STAG1: variants seen among roughly 807,000 people sequenced by gnomAD.
The protein encoded by STAG1 is cohesin subunit SA-1.
A neutral mutation model predicts 170.9 loss-of-function variants in STAG1; 26 were observed. The observed-to-expected ratio is 0.15, with a 90% CI of 0.11 to 0.21. The LOEUF (loss-of-function observed/expected upper bound fraction) is 0.21, where lower values mean the gene tolerates loss of function less well. Among genes scored for constraint, STAG1 ranks in the 10% least tolerant of loss-of-function variants. The probability of loss-of-function intolerance (pLI) is 1.00; values close to 1 mark genes in which losing one functional copy is unlikely to be tolerated. For synonymous variants in STAG1, 514 were observed against 497.7 expected (o/e 1.03, Z -0.44); for missense variants, 964 against 1,509.5 (o/e 0.64, Z 5.99).
intron 13 of STAG1, among the ~76,000 whole-genome samples, chr3:136,463,770 T>TGTGTGTGTGTGTGTGTGTATACACAC (rs2089350933): frequency 7.9e-6 from 1 of 126,396 alleles, no homozygotes; most frequent in South Asian, 2.6e-4. Context: ...TGTGTGTGTA[T>TGTGTGTGTGTGTGTGTGTATACACAC]ACACACACAC....
At chr3:136,351,474 C>T (rs917747163) in intron 28 of STAG1, among the ~76,000 whole-genome samples, 13 of 152,024 alleles carry the variant, frequency 8.6e-5, no homozygotes, top group African/African-American at 3.1e-4. Context: ...ATGCACATAT[C>T]CTAAGCTGCA....
At chr3:136,549,040 G>A (rs946441914) in intron 5 of STAG1, among the ~76,000 whole-genome samples, 2 of 152,086 alleles carry the variant, frequency 1.3e-5, no homozygotes, top group Non-Finnish European at 2.9e-5. Flanking sequence ...CTGCAAAATC[G>A]TAAACATTAA....
At chr3:136,586,868 A>G (rs992828286) in intron 4 of STAG1, 10 of 456,570 alleles carry the variant, frequency 2.2e-5, no homozygotes, top group African/African-American at 2.0e-4. Flanking sequence ...TAAGAAGTAG[A>G]CACTGCTTCT....
chr3:136,739,381 C>T (rs975626909), intron 1 of STAG1, among the ~76,000 whole-genome samples: 5 of 151,522 alleles, frequency 3.3e-5, no homozygotes, highest in Non-Finnish European at 5.9e-5. Context: ...TTAGCTGGGC[C>T]TGGTGGCACA....
chr3:136,595,656 G>A (rs1426116495), intron 4 of STAG1, among the ~76,000 whole-genome samples: 2 of 149,784 alleles, frequency 1.3e-5, no homozygotes, highest in South Asian at 2.1e-4. Context: ...CAGCCTGGGC[G>A]ACAGAGCAAG....
chr3:136,445,156 T>C (rs1300566695), intron 14 of STAG1, among the ~76,000 whole-genome samples: 1 of 151,932 alleles, frequency 6.6e-6, no homozygotes, highest in Non-Finnish European at 1.5e-5. Flanking sequence ...GCATTTCAAA[T>C]GCACACAACA....
intron 10 of STAG1, among the ~76,000 whole-genome samples, chr3:136,476,927 G>T (rs2089766174): frequency 6.6e-6 from 1 of 151,700 alleles, no homozygotes; most frequent in Admixed American, 6.6e-5. Context: ...CTATGATATG[G>T]TCCTAGAAAA....
At chr3:136,690,636 G>A (rs1942689898) in intron 1 of STAG1, among the ~76,000 whole-genome samples, 1 of 152,176 alleles carries the variant, frequency 6.6e-6, no homozygotes, top group Non-Finnish European at 1.5e-5. Context: ...AATCATTAAG[G>A]TGGAGGGGTG....
At chr3:136,608,797 C>CAAAAAAAAAAAAAAAAAAAAAAAAA (rs34993713) in intron 3 of STAG1, among the ~76,000 whole-genome samples, 1 of 79,192 alleles carries the variant, frequency 1.3e-5, no homozygotes. Flanking sequence ...GACCCTATCT[C>CAAAAAAAAAAAAAAAAAAAAAAAAA]AAAAAAAAAA....
At chr3:136,540,120 AT>A (rs1242136734) in intron 6 of STAG1, among the ~76,000 whole-genome samples, 20 of 152,290 alleles carry the variant, frequency 1.3e-4, no homozygotes, top group African/African-American at 4.8e-4. Flanking sequence ...GAAGAAAAAA[AT>A]GTAATAAACT....
intron 13 of STAG1, among the ~76,000 whole-genome samples, chr3:136,454,923 G>C (rs960043862): frequency 1.3e-5 from 2 of 151,920 alleles, no homozygotes; most frequent in Admixed American, 1.3e-4. Flanking sequence ...GAACTCCTGG[G>C]GATACACCAT....
chr3:136,666,512 A>G (rs377074524), intron 1 of STAG1, among the ~76,000 whole-genome samples: 82 of 152,332 alleles, frequency 5.4e-4, no homozygotes, highest in African/African-American at 1.9e-3. Flanking sequence ...GCTAAAGATC[A>G]CATGATGAAT....
intron 5 of STAG1, among the ~76,000 whole-genome samples, chr3:136,558,302 G>T (rs1936704064): frequency 6.6e-6 from 1 of 152,174 alleles, no homozygotes; most frequent in Middle Eastern, 3.2e-3. Context: ...TGAAACAGGA[G>T]AATCACTTCA....
chr3:136,464,823 AAAC>A (rs1576493867), intron 13 of STAG1, 55 bp downstream of exon 13: 1 of 1,441,656 alleles, frequency 6.9e-7, no homozygotes, highest in Non-Finnish European at 9.6e-7. Context: ...ACAAACTCTA[AAAC>A]AACAAGAAAA....
chr3:136,662,057 C>G (rs1234930730), intron 1 of STAG1, among the ~76,000 whole-genome samples: 3 of 152,158 alleles, frequency 2.0e-5, no homozygotes, highest in African/African-American at 4.8e-5. Flanking sequence ...TCTCTAATCA[C>G]CTCACACCTT....
At chr3:136,723,798 C>T (rs1441253180) in intron 1 of STAG1, among the ~76,000 whole-genome samples, 1 of 144,716 alleles carries the variant, frequency 6.9e-6, no homozygotes, top group African/African-American at 2.6e-5. Context: ...GGTCAGCCCC[C>T]CGCCCGGCCA....
intron 1 of STAG1, among the ~76,000 whole-genome samples, chr3:136,714,811 A>C (rs913559545): frequency 6.0e-5 from 9 of 149,124 alleles, no homozygotes; most frequent in African/African-American, 2.2e-4. Flanking sequence ...TGGGAGACTG[A>C]GATGGCAAGA....
At chr3:136,614,977 A>G (rs1939510463) in intron 3 of STAG1, among the ~76,000 whole-genome samples, 2 of 152,150 alleles carry the variant, frequency 1.3e-5, no homozygotes, top group African/African-American at 4.8e-5. Context: ...AAAATAATAA[A>G]CTATAGTATA....
chr3:136,661,679 G>A (rs1336540294), intron 1 of STAG1, among the ~76,000 whole-genome samples: 3 of 152,132 alleles, frequency 2.0e-5, no homozygotes, highest in African/African-American at 7.2e-5. Context: ...ACATAAGGGA[G>A]ACTCAACAAA....
Sources: gnomAD v4.1 joint callset for allele counts (sites outside exome capture counted in the v4.1 genomes callset) on GRCh38, gnomAD v4.1.1 for gene constraint, MANE v1.5 for transcripts, NCBI Gene and HGNC (gene_info 2026-07-23, HGNC 2026-07-21) for gene names.